ZNF638: variants seen among roughly 807,000 people sequenced by gnomAD.
ZNF638 encodes zinc finger protein 638.
ZNF638 carries 46 observed loss-of-function variants against 195.6 expected under a neutral mutation model. The ratio of observed to expected loss-of-function variants is 0.24; its 90% CI spans 0.19 to 0.30. The LOEUF is 0.30. Ranked by LOEUF, ZNF638 falls within the 10% of genes least tolerant of loss-of-function variation. ZNF638 has a pLI of 1.00. For synonymous variants in ZNF638, 845 were observed against 772.0 expected (o/e 1.09, Z -1.57); for missense variants, 2,440 against 2,325.3 (o/e 1.05, Z -1.01).
At chr2:71,422,506 G>C (rs373233295) in intron 21 of ZNF638, among the ~76,000 whole-genome samples, 2 of 152,162 alleles carry the variant, frequency 1.3e-5, no homozygotes, top group Non-Finnish European at 2.9e-5. Context: ...AAGTGTCTCA[G>C]ATTCACATTT....
chr2:71,380,279 A>C lies in ZNF638; in HGVS notation c.2323A>C (p.Lys775Gln). The C allele has an allele frequency of 6.4e-7, 1 of 1,562,344 alleles. No individual in the cohort carries two copies. The highest frequency in any genetic ancestry group is 8.6e-7 in the Non-Finnish European group (1 of 1,158,432). Residue 775 changes from lysine (K) to glutamine (Q), a missense_variant and splice_region_variant, in exon 9 of 28, where the codon AAA (lysine) becomes CAA (glutamine). Coordinates refer to ENST00000264447, the MANE Select transcript of ZNF638 (RefSeq NM_014497.5). ...AAAGAAAGTATCTGCATCTACCTTA[A>C]AGTAAGTGACTTTATGATTTCATAT... ...ESKKVSASTL[K>Q]RDADASKAVE...
Position 71,349,614 on chromosome 2 carries a change from A to G in ZNF638, c.660A>G (p.Thr220=). Residue 220 remains threonine, a synonymous_variant, in exon 2 of 28, where the codon ACA becomes ACG. Coordinates refer to ENST00000264447, the MANE Select transcript of ZNF638 (RefSeq NM_014497.5). The stretch of plus-strand genomic sequence containing the variant: ...GGCATGCAAGCAAATATGGCTACAC[A>G]GAAGATCCACTTGAAGTACGTATTT... ...DYGHASKYGY[T]EDPLEVRIYD... The G allele has an allele frequency of 6.2e-7, 1 of 1,614,232 alleles. No homozygotes were observed. The highest frequency in any genetic ancestry group is 8.5e-7 in the Non-Finnish European group (1 of 1,180,042).
chr2:71,403,236 A>G (rs557177377), intron 16 of ZNF638, among the ~76,000 whole-genome samples: 1 of 152,312 alleles, frequency 6.6e-6, no homozygotes, highest in African/African-American at 2.4e-5. Flanking sequence ...TAAAACTACA[A>G]TAAATAGATA....
chr2:71,388,627 G>C (rs774572809), intron 10 of ZNF638: 13 of 816,986 alleles, frequency 1.6e-5, no homozygotes, highest in Non-Finnish European at 2.9e-5. Context: ...GGCCAGAGTC[G>C]GTGGATCAGA....
At chr2:71,384,560 A>G (rs1360102491) in intron 10 of ZNF638, among the ~76,000 whole-genome samples, 1 of 152,178 alleles carries the variant, frequency 6.6e-6, no homozygotes, top group Non-Finnish European at 1.5e-5. Context: ...TTCAGTAAGC[A>G]CTTAATAGGT....
rs543984727 is a variant in ZNF638, at chr2:71,417,400, C to T, written c.3262-1202C>T. Among the ~76,000 whole-genome samples, 48 of 151,314 alleles carry T rather than the reference C, an allele frequency of 3.2e-4. No homozygotes were observed. In the East Asian group the frequency reaches 8.3e-3, roughly 26 times the overall value. ...CTGGCACTCCCTAGTGAGATGAACC[C>T]GGTACCTCAGATGGAAATGCAGAAA... On this transcript the variant is annotated intron_variant, in intron 20 of 27. Coordinates refer to ENST00000264447, the MANE Select transcript of ZNF638 (RefSeq NM_014497.5).
At chr2:71,424,449 A>T (rs952332983) in intron 22 of ZNF638, among the ~76,000 whole-genome samples, 3 of 152,188 alleles carry the variant, frequency 2.0e-5, no homozygotes, top group African/African-American at 7.2e-5. Context: ...GTAAAACTGA[A>T]TTTAACTACA....
chr2:71,332,061 A>T (rs927670704), intron 1 of ZNF638, among the ~76,000 whole-genome samples, 186 bp downstream of exon 1: 4 of 151,968 alleles, frequency 2.6e-5, no homozygotes, highest in Non-Finnish European at 5.9e-5. Context: ...ATGGGAAGGG[A>T]AGCTGTGCTG....
In ZNF638 at chr2:71,364,023, T is replaced by C; in HGVS notation, c.1488T>C (p.Ser496=). ...RRSHSPSPRR[S]RRSSSSHRFR... ...CTCATTCCCCCAGTCCTAGGCGTTC[T>C]AGAAGATCAAGCTCAAGTCACAGAT... Residue 496 remains serine (S), a synonymous_variant, in exon 5 of 28, where the codon TCT becomes TCC. Transcript: ENST00000264447. 2 of 1,614,218 alleles carry C rather than the reference T, an allele frequency of 1.2e-6. No individual in the cohort carries two copies. The highest frequency in any genetic ancestry group is 1.7e-6 in the Non-Finnish European group (2 of 1,180,028).
At position 71,423,175 on chromosome 2, in the gene ZNF638, A is replaced by G; in HGVS notation, c.3661A>G (p.Thr1221Ala). 8.7e-6 allele frequency: 14 copies of G among 1,614,134 alleles called. No homozygotes were observed. The highest frequency in any genetic ancestry group is 1.1e-5 in the Non-Finnish European group (13 of 1,179,994). Reference sequence around the variant, plus strand: ...AGGGGCAGAAATTATTAACCCTAAAACAGCATTGTTACCATCTGACAGTGT... The same window carrying G: ...AGGGGCAGAAATTATTAACCCTAAAGCAGCATTGTTACCATCTGACAGTGT... ...KKGAEIINPK[T>A]ALLPSDSVFA... Residue 1221 changes from threonine to alanine, a missense_variant, in exon 22 of 28, where the codon ACA becomes GCA. Physicochemically the swap from Thr to Ala is moderately conservative, Grantham distance 58 (BLOSUM62 0). Around this residue, in one of 5 missense-constraint regions of ZNF638, gnomAD observed 1,883 missense variants for 1,739.1 expected, o/e 1.08. Coordinates refer to ENST00000264447, the MANE Select transcript of ZNF638 (RefSeq NM_014497.5).
chr2:71,349,804 T>C lies in ZNF638; in HGVS notation c.850T>C (p.Phe284Leu). ...CGGTGAGTCCTCCAATAATCGGTCCTTTTTCTCAGTTGAGAGTGGAACCAA... is the reference window on the plus strand; with the variant it reads ...CGGTGAGTCCTCCAATAATCGGTCCCTTTTCTCAGTTGAGAGTGGAACCAA... The part of the protein sequence containing the change: ...FPGESSNNRS[F>L]FSVESGTKMS... The change falls in exon 2 of 28, where the codon TTT becomes CTT. Residue 284 changes from phenylalanine (F) to leucine (L), a missense_variant. Phe to Leu is a conservative substitution (Grantham distance 22). Transcript: ENST00000264447. 1 of 1,614,196 alleles carries C rather than the reference T, an allele frequency of 6.2e-7. No homozygotes were observed. Among genetic ancestry groups the C allele is most frequent in the Non-Finnish European group, 8.5e-7 (1 of 1,180,032 alleles).
chr2:71,403,774 C>A, intron 16 of ZNF638, 96 bp from the exon 17 acceptor site: 1 of 862,304 alleles, frequency 1.2e-6, no homozygotes. Flanking sequence ...GTTCAATCCA[C>A]TTGACGTTTG....
At chr2:71,410,376 T>G (rs75251308) in intron 20 of ZNF638, among the ~76,000 whole-genome samples, 3,388 of 126,056 alleles carry the variant, frequency 0.027, 77 homozygotes, top group African/African-American at 0.064. Context: ...TTGATTTTTT[T>G]TTTGTGTGTG....
At chr2:71,393,600 G>A (rs1215656965) in intron 10 of ZNF638, 2 of 718,086 alleles carry the variant, frequency 2.8e-6, no homozygotes, top group African/African-American at 3.5e-5. Context: ...TCCAGACACA[G>A]AAACCATTCA....
intron 10 of ZNF638, among the ~76,000 whole-genome samples, chr2:71,386,138 A>G (rs1045751625): frequency 2.0e-5 from 3 of 152,122 alleles, no homozygotes; most frequent in Non-Finnish European, 2.9e-5. Context: ...CCCAGTCTGT[A>G]TCAGAAATTA....
At chr2:71,344,313 A>T (rs192872148) in intron 1 of ZNF638, among the ~76,000 whole-genome samples, 1 of 152,196 alleles carries the variant, frequency 6.6e-6, no homozygotes, top group African/African-American at 2.4e-5. Flanking sequence ...CTGCCAGTGG[A>T]TGCTGAAAAT....
At chr2:71,395,330 C>G in intron 10 of ZNF638, 1 of 714,520 alleles carries the variant, frequency 1.4e-6, no homozygotes, top group South Asian at 1.5e-5. Context: ...ATCAACAAAA[C>G]CTGATGCAAA....
chr2:71,425,562 T>A (rs943596355), intron 23 of ZNF638, among the ~76,000 whole-genome samples: 2 of 152,230 alleles, frequency 1.3e-5, no homozygotes, highest in Admixed American at 6.5e-5. Flanking sequence ...ACGGCATTTT[T>A]AAAAATTACA....
chr2:71,420,439 T>C (rs1484548949), intron 21 of ZNF638, among the ~76,000 whole-genome samples: 4 of 152,180 alleles, frequency 2.6e-5, no homozygotes, highest in Non-Finnish European at 4.4e-5. Context: ...TCATTAACAT[T>C]AGGAAGTAAA....
Sources: allele counts gnomAD v4.1 joint callset (sites outside exome capture counted in the v4.1 genomes callset), GRCh38; gene constraint gnomAD v4.1.1; regional missense constraint gnomAD v4.1.1; transcripts MANE v1.5; gene names NCBI Gene and HGNC (gene_info 2026-07-23, HGNC 2026-07-21).